ARPP21: variants seen among roughly 807,000 people sequenced by gnomAD.
ARPP21 encodes cAMP regulated phosphoprotein 21.
In ARPP21, 69 loss-of-function variants were observed where a neutral mutation model predicts 113.2. That is an observed-to-expected ratio of 0.61 (90% confidence interval 0.50 to 0.74). ARPP21 has a LOEUF of 0.74. Among genes scored for constraint, ARPP21 ranks in the 30% least tolerant of loss-of-function variants. The probability of loss-of-function intolerance (pLI) is 0.00; values close to 1 mark genes in which losing one functional copy is unlikely to be tolerated. For synonymous variants in ARPP21, 368 were observed against 375.5 expected, an observed-to-expected ratio of 0.98 and a Z score of 0.23; for missense variants, 1,070 against 1,037.4, an observed-to-expected ratio of 1.03 and a Z score of -0.43.
intron 1 of ARPP21, among the ~76,000 whole-genome samples, chr3:35,659,180 A>G (rs1402235731): frequency 1.3e-5 from 2 of 152,130 alleles, no homozygotes; most frequent in African/African-American, 4.8e-5. Flanking sequence ...CATTTTTTAC[A>G]CAGACCCATT....
intron 9 of ARPP21, among the ~76,000 whole-genome samples, chr3:35,692,407 T>A (rs1486417725): frequency 1.3e-5 from 2 of 151,694 alleles, no homozygotes; most frequent in Admixed American, 6.6e-5. Flanking sequence ...TTCTTCATTT[T>A]TTAATGGCTT....
At chr3:35,694,619 A>G (rs947929860) in intron 9 of ARPP21, among the ~76,000 whole-genome samples, 1 of 151,398 alleles carries the variant, frequency 6.6e-6, no homozygotes, top group Non-Finnish European at 1.5e-5. Context: ...AATATCAAAA[A>G]GATTTTTTTT....
chr3:35,695,827 T>G (rs1039084831), intron 9 of ARPP21, among the ~76,000 whole-genome samples: 1 of 151,568 alleles, frequency 6.6e-6, no homozygotes, highest in Non-Finnish European at 1.5e-5. Context: ...GTGTTAGGTT[T>G]TCAGAGCCAC....
intron 20 of ARPP21, 49 bp downstream of exon 20, chr3:35,792,579 C>T (rs746213772): frequency 6.3e-7 from 1 of 1,591,648 alleles, no homozygotes; most frequent in South Asian, 1.1e-5. Context: ...TAGAATTTGC[C>T]AAAGTGGAAG....
intron 1 of ARPP21, among the ~76,000 whole-genome samples, chr3:35,657,926 T>C (rs977282729): frequency 6.6e-6 from 1 of 152,162 alleles, no homozygotes; most frequent in African/African-American, 2.4e-5. Context: ...TATAGTTAAT[T>C]TGATTCTCAG....
intron 9 of ARPP21, among the ~76,000 whole-genome samples, chr3:35,706,353 G>A (rs1223800586): frequency 2.6e-5 from 4 of 152,130 alleles, no homozygotes; most frequent in African/African-American, 9.7e-5. Context: ...TTTTCCCCAT[G>A]CTAATCAACC....
intron 11 of ARPP21, among the ~76,000 whole-genome samples, chr3:35,714,181 C>G (rs1374983357): frequency 6.6e-6 from 1 of 152,112 alleles, no homozygotes; most frequent in Non-Finnish European, 1.5e-5. Context: ...GAGGTTTTTG[C>G]ATACTTGAAA....
chr3:35,641,201 TTTAAG>T lies in ARPP21; in HGVS notation c.-213+806_-213+810del, dbSNP rs151319662. On this transcript the variant is annotated intron_variant, in intron 1 of 20. Coordinates refer to ENST00000684406, the MANE Select transcript of ARPP21 (RefSeq NM_001385562.1). Reference sequence around the variant, plus strand: ...GATATTCATTTTAATCTTTGATTTCTTTAAGTTTTTTGATGTTTGATTTTCTACCA... The same window carrying T: ...GATATTCATTTTAATCTTTGATTTCTTTTTTTGATGTTTGATTTTCTACCA... The T allele has an allele frequency of 1.1e-4, 17 of 152,334 alleles. No homozygotes were observed. In the East Asian group the frequency reaches 3.3e-3, roughly 29 times the overall value. The allele number at this position is 152,334 out of a possible 1,614,324, so 9.4% of individuals were successfully genotyped here. A position where few individuals can be genotyped will look rare whatever the true frequency, so the allele number is the denominator to read the frequency against.
intron 9 of ARPP21, among the ~76,000 whole-genome samples, chr3:35,694,522 G>A (rs1482270486): frequency 6.6e-6 from 1 of 151,448 alleles, no homozygotes; most frequent in Admixed American, 6.6e-5. Flanking sequence ...TTTTGCAGAA[G>A]AAGAAAATTA....
At chr3:35,700,257 A>C (rs1430236225) in intron 9 of ARPP21, among the ~76,000 whole-genome samples, 1 of 151,802 alleles carries the variant, frequency 6.6e-6, no homozygotes, top group Non-Finnish European at 1.5e-5. Flanking sequence ...TAAGATGCAG[A>C]GCTGAAAAGA....
chr3:35,672,087 C>G (rs530250762), intron 1 of ARPP21, among the ~76,000 whole-genome samples: 2 of 152,144 alleles, frequency 1.3e-5, no homozygotes, highest in South Asian at 4.2e-4. Context: ...TGAGAAAACC[C>G]TAAGTTTAAT....
intron 20 of ARPP21, 111 bp downstream of exon 20, chr3:35,792,641 C>G (rs1048741017): frequency 5.1e-5 from 44 of 862,042 alleles, no homozygotes; most frequent in Non-Finnish European, 6.6e-5. Flanking sequence ...CGTGCTTGGT[C>G]CATAACTGTT....
At chr3:35,723,197 A>T (rs1458470762) in intron 14 of ARPP21, among the ~76,000 whole-genome samples, 2 of 152,116 alleles carry the variant, frequency 1.3e-5, no homozygotes, top group African/African-American at 4.8e-5. Flanking sequence ...TGGACTGTGG[A>T]TATTTTCCCA....
intron 19 of ARPP21, among the ~76,000 whole-genome samples, chr3:35,756,639 ACT>A (rs1244070992): frequency 6.6e-6 from 1 of 151,876 alleles, no homozygotes; most frequent in Non-Finnish European, 1.5e-5. Context: ...TGATTCCCAC[ACT>A]GTTTTTTACA....
intron 1 of ARPP21, among the ~76,000 whole-genome samples, chr3:35,669,155 T>G (rs1378670942): frequency 6.6e-6 from 1 of 152,114 alleles, no homozygotes; most frequent in Non-Finnish European, 1.5e-5. Flanking sequence ...CCTTCCCTCC[T>G]TCTTTCCTTC....
At chr3:35,668,032 G>GAAAAA (rs2075328742) in intron 1 of ARPP21, among the ~76,000 whole-genome samples, 2 of 137,076 alleles carry the variant, frequency 1.5e-5, no homozygotes, top group African/African-American at 5.5e-5. Flanking sequence ...AGAAGAAGAA[G>GAAAAA]GAGAAGAAGA....
At chr3:35,758,086 T>C (rs1338477423) in intron 19 of ARPP21, among the ~76,000 whole-genome samples, 1 of 152,108 alleles carries the variant, frequency 6.6e-6, no homozygotes, top group Non-Finnish European at 1.5e-5. Flanking sequence ...ACAATTTTAA[T>C]AGTAATAATT....
intron 14 of ARPP21, among the ~76,000 whole-genome samples, chr3:35,723,604 A>G (rs2093303016): frequency 6.6e-6 from 1 of 152,222 alleles, no homozygotes; most frequent in Non-Finnish European, 1.5e-5. Context: ...TGTGAAAACC[A>G]AGTACTTTAA....
rs1041938122 is a variant in ARPP21, at chr3:35,640,744, T to A, written c.-213+346T>A. On this transcript the variant is annotated intron_variant, in intron 1 of 20. Coordinates refer to ENST00000684406, the MANE Select transcript of ARPP21 (RefSeq NM_001385562.1). ...CTATTGAAGAGGTAGAAAGTTATAC[T>A]CTGTTTGTTGTCCTGGAAGGATTGG... is the stretch of plus-strand genomic sequence containing the variant. Among the ~76,000 whole-genome samples the A allele has an allele frequency of 1.0e-3, 153 of 152,268 alleles. 1 individual carries two copies. The highest frequency in any genetic ancestry group is 3.5e-3 in the African/African-American group (145 of 41,540).
Sources: allele counts gnomAD v4.1 joint callset (sites outside exome capture counted in the v4.1 genomes callset), GRCh38; gene constraint gnomAD v4.1.1; transcripts MANE v1.5; gene names NCBI Gene and HGNC (gene_info 2026-07-23, HGNC 2026-07-21).